The following FRAS1 variants were observed in gnomAD, a reference collection of about 807,000 sequenced individuals.
FRAS1 encodes Fraser extracellular matrix complex subunit 1, also known as extracellular matrix organizing protein FRAS1.
FRAS1 carries 290 observed loss-of-function variants against 435.2 expected under a neutral mutation model. That is an observed-to-expected ratio of 0.67 (90% CI 0.61 to 0.73). The LOEUF (loss-of-function observed/expected upper bound fraction) is 0.73. Ranked by LOEUF, FRAS1 falls within the 30% of genes least tolerant of loss-of-function variation. FRAS1 has a pLI of 0.00. For missense variants in FRAS1, 4,860 were observed against 5,001.5 expected (o/e 0.97, Z 0.85); for synonymous variants, 1,800 against 1,851.0 (o/e 0.97, Z 0.71).
intron 2 of FRAS1, among the ~76,000 whole-genome samples, chr4:78,152,320 G>C (rs951272999): frequency 6.6e-6 from 1 of 152,114 alleles, no homozygotes; most frequent in African/African-American, 2.4e-5. Context: ...AGGAAAGATT[G>C]AGGTGCAGGT....
chr4:78,539,245 A>T (rs776577174), intron 72 of FRAS1, 49 bp from the exon 73 acceptor site: 1 of 1,587,084 alleles, frequency 6.3e-7, no homozygotes, highest in African/African-American at 1.4e-5. Flanking sequence ...CTACCAATAT[A>T]GTGGAACCAT....
chr4:78,198,775 A>T (rs914134426), intron 2 of FRAS1, among the ~76,000 whole-genome samples: 1 of 152,216 alleles, frequency 6.6e-6, no homozygotes. Flanking sequence ...AAGATGATGA[A>T]GATGAGGACC....
chr4:78,442,404 G>A (rs1224628585), intron 41 of FRAS1, among the ~76,000 whole-genome samples: 1 of 152,218 alleles, frequency 6.6e-6, no homozygotes, highest in Non-Finnish European at 1.5e-5. Context: ...CAAAGCAATG[G>A]CTTTTGCCTG....
intron 6 of FRAS1, among the ~76,000 whole-genome samples, chr4:78,261,259 G>T (rs1182994636): frequency 6.6e-6 from 1 of 151,860 alleles, no homozygotes; most frequent in African/African-American, 2.4e-5. Flanking sequence ...TCCTGCTTCT[G>T]TTTGATAAAG....
intron 2 of FRAS1, among the ~76,000 whole-genome samples, chr4:78,114,573 T>G (rs1743002193): frequency 6.6e-6 from 1 of 152,176 alleles, no homozygotes; most frequent in African/African-American, 2.4e-5. Flanking sequence ...CCTAGGTATT[T>G]TATTCTCTCT....
intron 68 of FRAS1, among the ~76,000 whole-genome samples, 167 bp downstream of exon 68, chr4:78,521,797 G>A (rs1054139834): frequency 6.6e-5 from 10 of 152,006 alleles, no homozygotes; most frequent in Admixed American, 6.5e-5. Flanking sequence ...TTGTCACACC[G>A]TTCAGAAACA....
At chr4:78,064,053 A>G (rs1408164014) in intron 1 of FRAS1, among the ~76,000 whole-genome samples, 2 of 151,934 alleles carry the variant, frequency 1.3e-5, no homozygotes, top group African/African-American at 2.4e-5. Context: ...ACATATGTAC[A>G]CATATATATA....
intron 22 of FRAS1, among the ~76,000 whole-genome samples, chr4:78,364,452 C>T (rs1731189783): frequency 6.6e-6 from 1 of 152,136 alleles, no homozygotes; most frequent in African/African-American, 2.4e-5. Context: ...GTGGACTAAG[C>T]ACGTCTCTGG....
In FRAS1 at chr4:78,058,101, C is replaced by CGCGTGTGTGTGTGTGTGTGCGTGT. The variant is rs1739561655; in HGVS notation, c.76+31_76+54dup. Reference sequence around the variant, plus strand: ...CATTCCGAAGGTGAGAGAGCGGTGCCGCGTGTGTGTGTGTGTGTGCGTGTG... The same window carrying CGCGTGTGTGTGTGTGTGTGCGTGT: ...CATTCCGAAGGTGAGAGAGCGGTGCCGCGTGTGTGTGTGTGTGTGCGTGTGCGTGTGTGTGTGTGTGTGCGTGTG... On this transcript the variant is annotated intron_variant, in intron 1 of 73. Coordinates refer to ENST00000512123, the MANE Select transcript of FRAS1 (RefSeq NM_025074.7). 1 of 1,553,668 alleles carries CGCGTGTGTGTGTGTGTGTGCGTGT rather than the reference C, an allele frequency of 6.4e-7. No homozygotes were observed. The highest frequency in any genetic ancestry group is 8.8e-7 in the Non-Finnish European group (1 of 1,141,254).
At chr4:78,318,684 A>G (rs1440500732) in intron 17 of FRAS1, 126 bp from the exon 18 acceptor site, 2 of 901,206 alleles carry the variant, frequency 2.2e-6, no homozygotes, top group Non-Finnish European at 3.3e-6. Flanking sequence ...TGTATAGAAC[A>G]TTAGAAAAAT....
At chr4:78,145,532 T>C (rs941107189) in intron 2 of FRAS1, among the ~76,000 whole-genome samples, 2 of 152,110 alleles carry the variant, frequency 1.3e-5, no homozygotes, top group East Asian at 1.9e-4. Context: ...GGTGAGCTCA[T>C]TGAAGGAAGG....
intron 9 of FRAS1, among the ~76,000 whole-genome samples, chr4:78,277,705 A>G (rs57534252): frequency 0.026 from 4,005 of 152,288 alleles, 183 homozygotes; most frequent in African/African-American, 0.091. Flanking sequence ...TTGTAAAAAA[A>G]TAAAAATTTT....
intron 2 of FRAS1, among the ~76,000 whole-genome samples, chr4:78,151,493 C>CA (rs1035083934): frequency 6.6e-6 from 1 of 152,122 alleles, no homozygotes; most frequent in African/African-American, 2.4e-5. Context: ...CCACTATCCA[C>CA]AAAATATGTT....
At chr4:78,126,179 G>A (rs1560537646) in intron 2 of FRAS1, among the ~76,000 whole-genome samples, 1 of 152,158 alleles carries the variant, frequency 6.6e-6, no homozygotes, top group Non-Finnish European at 1.5e-5. Context: ...CAGTGAGCAA[G>A]GCTCCGTGAG....
intron 2 of FRAS1, among the ~76,000 whole-genome samples, chr4:78,117,586 T>C (rs1229539620): frequency 6.6e-6 from 1 of 152,230 alleles, no homozygotes; most frequent in Admixed American, 6.5e-5. Context: ...TCATTTGCTC[T>C]TCCGTCACTG....
At chr4:78,259,230 G>T in intron 6 of FRAS1, among the ~76,000 whole-genome samples, 1 of 86,302 alleles carries the variant, frequency 1.2e-5, no homozygotes, top group African/African-American at 3.8e-5. Context: ...CCAGTAATGG[G>T]ATGGCTGGGT....
At position 78,379,785 on chromosome 4, in the gene FRAS1, A is replaced by G. The variant is rs1731938391; in HGVS notation, c.3352A>G (p.Ile1118Val). The G allele has an allele frequency of 1.2e-6, 2 of 1,613,850 alleles. No homozygotes were observed. Among genetic ancestry groups the G allele is most frequent in the Non-Finnish European group, 1.7e-6 (2 of 1,179,842 alleles). The change falls in exon 27 of 74, where the codon ATA becomes GTA. Residue 1118 changes from isoleucine to valine, a missense_variant. Ile to Val is a conservative substitution (Grantham distance 29, BLOSUM62 3). Transcript: ENST00000512123. Reference protein sequence around the residue: ...NGSLILPIGSIKPLDFSLLNV... With the variant: ...NGSLILPIGSVKPLDFSLLNV... ...TTCCCTGATCCTCCCAATTGGTTCA[A>G]TAAAGCCACTGGATTTTTCCCTCCT... is the stretch of plus-strand genomic sequence containing the variant.
intron 27 of FRAS1, among the ~76,000 whole-genome samples, chr4:78,381,468 T>G (rs1014633946): frequency 2.0e-5 from 3 of 152,208 alleles, no homozygotes; most frequent in South Asian, 2.1e-4. Flanking sequence ...TTTTGTATTT[T>G]TAGAAGAGAC....
intron 2 of FRAS1, among the ~76,000 whole-genome samples, chr4:78,113,696 T>C (rs1166846161): frequency 6.6e-6 from 1 of 152,208 alleles, no homozygotes; most frequent in Non-Finnish European, 1.5e-5. Context: ...TCTTGTAAAT[T>C]TGTTTGAGTT....
Sources: allele counts gnomAD v4.1 joint callset (sites outside exome capture counted in the v4.1 genomes callset), GRCh38; gene constraint gnomAD v4.1.1; transcripts MANE v1.5; gene names NCBI Gene and HGNC (gene_info 2026-07-23, HGNC 2026-07-21).